Variants in NELL1 observed in about 807,000 individuals in gnomAD.
NELL1 encodes protein kinase C-binding protein NELL1.
NELL1 carries 76 observed loss-of-function variants against 107.4 expected under a neutral mutation model. The ratio of observed to expected loss-of-function variants is 0.71; its 90% CI spans 0.59 to 0.86. The LOEUF is 0.86. Ranked by LOEUF, NELL1 falls within the 40% of genes least tolerant of loss-of-function variation. NELL1 has a pLI of 0.00. For synonymous variants in NELL1, 353 were observed against 341.2 expected (o/e 1.03, Z -0.38); for missense variants, 1,024 against 1,005.5 (o/e 1.02, Z -0.25).
intron 12 of NELL1, among the ~76,000 whole-genome samples, chr11:21,099,770 A>C (rs78183680): frequency 6.6e-6 from 1 of 152,138 alleles, no homozygotes; most frequent in Non-Finnish European, 1.5e-5. Flanking sequence ...ACTATTTGTC[A>C]CATTTTTTTC....
intron 12 of NELL1, among the ~76,000 whole-genome samples, chr11:21,022,537 T>C (rs1488542707): frequency 6.6e-6 from 1 of 152,144 alleles, no homozygotes; most frequent in African/African-American, 2.4e-5. Context: ...TAATTTTCTC[T>C]TTCCAATTTC....
intron 13 of NELL1, among the ~76,000 whole-genome samples, chr11:21,151,812 T>C (rs1041164643): frequency 1.3e-5 from 2 of 152,196 alleles, no homozygotes; most frequent in Non-Finnish European, 1.5e-5. Context: ...TGCACAATGT[T>C]TTGGCAAAAG....
intron 5 of NELL1, among the ~76,000 whole-genome samples, chr11:20,891,962 A>G (rs901011802): frequency 2.0e-5 from 3 of 152,222 alleles, no homozygotes; most frequent in Non-Finnish European, 1.5e-5. Context: ...TCAACGAGAC[A>G]GAAAATTAAC....
chr11:21,114,774 G>A (rs557090397), intron 13 of NELL1, among the ~76,000 whole-genome samples: 41 of 151,896 alleles, frequency 2.7e-4, no homozygotes, highest in Non-Finnish European at 4.7e-4. Context: ...ATACTCTTAG[G>A]AAAAGAAGAG....
intron 2 of NELL1, among the ~76,000 whole-genome samples, chr11:20,738,434 T>G (rs1337656715): frequency 6.6e-6 from 1 of 152,068 alleles, no homozygotes; most frequent in African/African-American, 2.4e-5. Flanking sequence ...TCACTGATGG[T>G]TTTAAGCAGG....
chr11:21,333,496 G>T (rs1850316980), intron 14 of NELL1, among the ~76,000 whole-genome samples: 1 of 152,026 alleles, frequency 6.6e-6, no homozygotes, highest in Non-Finnish European at 1.5e-5. Flanking sequence ...TGCTTTCTTT[G>T]TAATAAATTA....
At chr11:20,974,082 A>G (rs1365880620) in intron 12 of NELL1, among the ~76,000 whole-genome samples, 1 of 152,230 alleles carries the variant, frequency 6.6e-6, no homozygotes, top group East Asian at 1.9e-4. Context: ...AAGTGCCAGA[A>G]TGTAAGCCTT....
At chr11:20,674,781 A>C (rs1590196198) in intron 1 of NELL1, among the ~76,000 whole-genome samples, 1 of 152,312 alleles carries the variant, frequency 6.6e-6, no homozygotes, top group Non-Finnish European at 1.5e-5. Context: ...GTGTTCTGCT[A>C]GTTCTACAGA....
intron 14 of NELL1, among the ~76,000 whole-genome samples, chr11:21,367,865 T>A (rs1407448045): frequency 6.6e-6 from 1 of 152,114 alleles, no homozygotes; most frequent in Non-Finnish European, 1.5e-5. Context: ...AAAGGCAATG[T>A]AGCGGTGACC....
At chr11:21,403,700 G>C (rs1290714544) in intron 15 of NELL1, among the ~76,000 whole-genome samples, 1 of 151,656 alleles carries the variant, frequency 6.6e-6, no homozygotes, top group Non-Finnish European at 1.5e-5. Flanking sequence ...AACAGGAAGT[G>C]AAGGAGAGAG....
At chr11:20,899,149 T>C (rs1363481054) in intron 5 of NELL1, among the ~76,000 whole-genome samples, 1 of 151,876 alleles carries the variant, frequency 6.6e-6, no homozygotes, top group Non-Finnish European at 1.5e-5. Context: ...TTAATGGCTA[T>C]ATATATATAC....
At chr11:21,340,420 G>A (rs572155818) in intron 14 of NELL1, among the ~76,000 whole-genome samples, 3 of 152,242 alleles carry the variant, frequency 2.0e-5, no homozygotes, top group East Asian at 1.9e-4. Flanking sequence ...CCAAAGTGCT[G>A]GGATTACAGG....
At chr11:21,152,949 T>G (rs1287776365) in intron 13 of NELL1, among the ~76,000 whole-genome samples, 2 of 152,196 alleles carry the variant, frequency 1.3e-5, no homozygotes, top group African/African-American at 4.8e-5. Flanking sequence ...CTGATTTTAT[T>G]CTAGATTTGT....
At chr11:20,999,022 G>C (rs1227174100) in intron 12 of NELL1, among the ~76,000 whole-genome samples, 1 of 152,102 alleles carries the variant, frequency 6.6e-6, no homozygotes, top group Non-Finnish European at 1.5e-5. Flanking sequence ...CACACATTTG[G>C]CTAAGTTCAG....
At chr11:21,055,257 T>C (rs1853585766) in intron 12 of NELL1, among the ~76,000 whole-genome samples, 1 of 152,140 alleles carries the variant, frequency 6.6e-6, no homozygotes, top group Admixed American at 6.6e-5. Flanking sequence ...TATTTTTAGC[T>C]CAGCTTATTT....
intron 13 of NELL1, among the ~76,000 whole-genome samples, chr11:21,183,869 G>C (rs893885856): frequency 6.6e-6 from 1 of 151,776 alleles, no homozygotes; most frequent in South Asian, 2.1e-4. Flanking sequence ...TTGAGGGAGG[G>C]TAAAGGGAAA....
intron 13 of NELL1, among the ~76,000 whole-genome samples, chr11:21,162,240 C>T (rs560548713): frequency 2.6e-5 from 4 of 152,158 alleles, no homozygotes; most frequent in South Asian, 2.1e-4. Context: ...TGAGCCACTG[C>T]GCCCGGCCTG....
intron 14 of NELL1, among the ~76,000 whole-genome samples, chr11:21,310,936 G>C (rs1158712212): frequency 1.3e-5 from 2 of 152,090 alleles, no homozygotes; most frequent in Non-Finnish European, 2.9e-5. Context: ...AATATAATCT[G>C]TCATTCAAGT....
chr11:21,196,372 T>C (rs1213677227), intron 13 of NELL1, among the ~76,000 whole-genome samples: 1 of 152,120 alleles, frequency 6.6e-6, no homozygotes, highest in Non-Finnish European at 1.5e-5. Context: ...GGAGATACCA[T>C]TTCCTACCTT....
Sources: allele counts gnomAD v4.1 joint callset (sites outside exome capture counted in the v4.1 genomes callset), GRCh38; gene constraint gnomAD v4.1.1; transcripts MANE v1.5; gene names NCBI Gene and HGNC (gene_info 2026-07-23, HGNC 2026-07-21).